Variants in FKBP5 observed in about 807,000 individuals in gnomAD.
FKBP5 encodes the protein FKBP prolyl isomerase 5.
In FKBP5, 23 loss-of-function variants were observed where a neutral mutation model predicts 50.5. That is an observed-to-expected ratio of 0.46 (90% CI 0.33 to 0.65). The LOEUF is 0.65. Among genes scored for constraint, FKBP5 ranks in the 30% least tolerant of loss-of-function variants. FKBP5 has a pLI of 0.02. For synonymous variants in FKBP5, 176 were observed against 190.6 expected (o/e 0.92, Z 0.63); for missense variants, 411 against 553.1 (o/e 0.74, Z 2.58).
chr6:35,620,071 C>T (rs1763784279), intron 4 of FKBP5, 61 bp downstream of exon 4: 1 of 1,601,736 alleles, frequency 6.2e-7, no homozygotes, highest in South Asian at 1.1e-5. Context: ...CTGCCTGTTG[C>T]TTCAAAGCCA....
chr6:35,616,183 C>T (rs764314577), intron 5 of FKBP5, among the ~76,000 whole-genome samples: 24 of 151,812 alleles, frequency 1.6e-4, no homozygotes, highest in East Asian at 3.9e-4. Flanking sequence ...GGCATGGTGG[C>T]GTGCGCCTAT....
At chr6:35,714,386 T>A (rs373833955) in intron 2 of FKBP5, among the ~76,000 whole-genome samples, 2 of 120,952 alleles carry the variant, frequency 1.7e-5, no homozygotes, top group East Asian at 2.5e-4. Context: ...CAGGAGGCAG[T>A]GGTTGCAGTG....
In FKBP5 at chr6:35,597,339, C is replaced by T. The variant is rs746864915; in HGVS notation, c.574G>A (p.Glu192Lys). The change falls in exon 6 of 11, where the codon GAA becomes AAA. Residue 192 changes from glutamate to lysine, a missense_variant. Around this residue, in one of 3 missense-constraint regions of FKBP5, gnomAD observed 267 missense variants for 405.9 expected, o/e 0.66. Coordinates refer to ENST00000357266, the MANE Select transcript of FKBP5 (RefSeq NM_004117.4). ...DCRDVAFTVG[E>K]GEDHDIPIGI... The stretch of plus-strand genomic sequence containing the variant: ...ATTGGAATGTCGTGGTCTTCTCCTT[C>T]GCCCACAGTGAATGCCACATCTCTG... The T allele has an allele frequency of 3.1e-6, 5 of 1,614,074 alleles. No individual in the cohort carries two copies. Among genetic ancestry groups the T allele is most frequent in the Non-Finnish European group, 3.4e-6 (4 of 1,180,032 alleles).
intron 3 of FKBP5, among the ~76,000 whole-genome samples, chr6:35,628,181 A>G (rs1282927145): frequency 6.6e-6 from 1 of 152,056 alleles, no homozygotes; most frequent in Non-Finnish European, 1.5e-5. Context: ...ATAAGGACCC[A>G]ATTTCATTCT....
intron 5 of FKBP5, 102 bp downstream of exon 5, chr6:35,618,994 C>A (rs1327410664): frequency 5.1e-6 from 4 of 780,408 alleles, no homozygotes; most frequent in Non-Finnish European, 6.5e-6. Flanking sequence ...CTGCGCACAG[C>A]CGATATATTC....
intron 2 of FKBP5, among the ~76,000 whole-genome samples, chr6:35,638,680 A>G (rs1489027700): frequency 7.2e-5 from 11 of 152,276 alleles, no homozygotes; most frequent in African/African-American, 2.2e-4. Flanking sequence ...AGCCTCCTAA[A>G]GTGCTGAGAT....
intron 5 of FKBP5, among the ~76,000 whole-genome samples, chr6:35,612,299 G>A (rs951434460): frequency 2.6e-5 from 4 of 152,148 alleles, no homozygotes; most frequent in Non-Finnish European, 2.9e-5. Flanking sequence ...GATGAGGTGG[G>A]AGAATCACCT....
intron 2 of FKBP5, among the ~76,000 whole-genome samples, chr6:35,707,505 G>A (rs1441601657): frequency 1.3e-5 from 2 of 152,094 alleles, no homozygotes; most frequent in Non-Finnish European, 2.9e-5. Context: ...ACAGGCGTGA[G>A]CCACCGCGCC....
rs1581775413 is a variant in FKBP5, at chr6:35,575,689, T to C, written c.*146A>G. 2 of 672,392 alleles carry C rather than the reference T, an allele frequency of 3.0e-6. No individual in the cohort carries two copies. The highest frequency in any genetic ancestry group is 5.3e-6 in the Non-Finnish European group (2 of 377,414). 41.7% of individuals were successfully genotyped at this position (672,392 alleles called of 1,614,324 possible). A position where few individuals can be genotyped will look rare whatever the true frequency, so the allele number is the denominator to read the frequency against. ...CGGGCAGCAGCAGGGGGGCTGTTTT[T>C]GGGAAGCTACTGGTTTTGCCATTTG... is the stretch of plus-strand genomic sequence containing the variant. On this transcript the variant is annotated 3_prime_UTR_variant, in exon 11 of 11. Transcript: ENST00000357266.
At chr6:35,654,753 T>C (rs1205122211) in intron 1 of FKBP5, among the ~76,000 whole-genome samples, 1 of 152,168 alleles carries the variant, frequency 6.6e-6, no homozygotes, top group East Asian at 1.9e-4. Flanking sequence ...GCCTCCTGAG[T>C]AGCTGGGATT....
At chr6:35,712,029 G>A (rs1381573789) in intron 2 of FKBP5, among the ~76,000 whole-genome samples, 4 of 136,112 alleles carry the variant, frequency 2.9e-5, no homozygotes, top group Non-Finnish European at 6.1e-5. Flanking sequence ...GTGTACAATC[G>A]CACTGGGCTA....
At chr6:35,598,212 T>C (rs889415209) in intron 5 of FKBP5, among the ~76,000 whole-genome samples, 2 of 151,722 alleles carry the variant, frequency 1.3e-5, no homozygotes, top group African/African-American at 4.9e-5. Context: ...CAGATATCTA[T>C]TTTTTCTTGA....
chr6:35,652,932 CCTTTT>C (rs1260136889), intron 1 of FKBP5, among the ~76,000 whole-genome samples: 1 of 152,154 alleles, frequency 6.6e-6, no homozygotes, highest in African/African-American at 2.4e-5. Flanking sequence ...TGTACTCTGT[CCTTTT>C]ATTTCTCAAG....
chr6:35,590,889 A>G (rs1369419393), intron 7 of FKBP5, among the ~76,000 whole-genome samples: 1 of 87,840 alleles, frequency 1.1e-5, no homozygotes, highest in African/African-American at 5.3e-5. Flanking sequence ...CAAAAAAGTT[A>G]AAAAAAAAAA....
upstream of FKBP5, among the ~76,000 whole-genome samples, chr6:35,689,118 C>T (rs1404940983): frequency 6.6e-6 from 1 of 152,194 alleles, no homozygotes; most frequent in Non-Finnish European, 1.5e-5. Context: ...ATTTGCTCCT[C>T]CACCTCCCCA....
chr6:35,639,536 C>A, intron 2 of FKBP5, among the ~76,000 whole-genome samples: 1 of 152,072 alleles, frequency 6.6e-6, no homozygotes. Context: ...AAGGGTAAGT[C>A]GTAAACAGAG....
In FKBP5 at chr6:35,587,092, G is replaced by A. The variant is rs1416578648; in HGVS notation, c.782C>T (p.Thr261Ile). 6 of 1,613,916 alleles carry A rather than the reference G, an allele frequency of 3.7e-6. No individual in the cohort carries two copies. Among genetic ancestry groups the A allele is most frequent in the Non-Finnish European group, 5.1e-6 (6 of 1,179,920 alleles). Residue 261 changes from threonine to isoleucine, a missense_variant, in exon 8 of 11, where the codon ACC becomes ATC. By Grantham distance (89) the Thr-to-Ile change is moderately conservative. Coordinates refer to ENST00000357266, the MANE Select transcript of FKBP5 (RefSeq NM_004117.4). ...GGCAGCCTGCTCCAATTTTTCTTTG[G>A]TATCCATCTCCCAGGATTCTTTGGC... ...EKAKESWEMD[T>I]KEKLEQAAIV... is the part of the protein sequence containing the mutation.
intron 1 of FKBP5, among the ~76,000 whole-genome samples, chr6:35,682,902 T>A: frequency 6.9e-6 from 1 of 144,268 alleles, no homozygotes; most frequent in East Asian, 2.0e-4. Context: ...AAACAATCTC[T>A]TTTAAAAAAA....
At chr6:35,661,499 G>A (rs1279876930) in intron 1 of FKBP5, among the ~76,000 whole-genome samples, 1 of 82,456 alleles carries the variant, frequency 1.2e-5, no homozygotes, top group Non-Finnish European at 2.8e-5. Flanking sequence ...TTGGCTGGGC[G>A]CGGTGACTCG....
Sources: allele counts gnomAD v4.1 joint callset (sites outside exome capture counted in the v4.1 genomes callset), GRCh38; gene constraint gnomAD v4.1.1; regional missense constraint gnomAD v4.1.1; transcripts MANE v1.5; gene names NCBI Gene and HGNC (gene_info 2026-07-23, HGNC 2026-07-21).